Variants in CCSER2 observed in about 807,000 individuals in gnomAD.
CCSER2 encodes coiled-coil serine rich protein 2.
A neutral mutation model predicts 92.3 loss-of-function variants in CCSER2; 46 were observed. That is an observed-to-expected ratio of 0.50 (90% confidence interval 0.39 to 0.64). The LOEUF is 0.64. Ranked by LOEUF, CCSER2 falls within the 30% of genes least tolerant of loss-of-function variation. The pLI is 0.00. For synonymous variants in CCSER2, 433 were observed against 431.4 expected (o/e 1.00, Z -0.04); for missense variants, 1,244 against 1,238.9 (o/e 1.00, Z -0.06).
chr10:84,379,160 G>A lies in CCSER2; in HGVS notation c.1614+5345G>A, dbSNP rs562196266. Among the ~76,000 whole-genome samples, 35 of 152,172 alleles carry A rather than the reference G, an allele frequency of 2.3e-4. No individual in the cohort carries two copies. The South Asian group carries it at 7.3e-3, about 32-fold the overall frequency. On this transcript the variant is annotated intron_variant, in intron 3 of 9. Coordinates refer to ENST00000372088, the MANE Select transcript of CCSER2 (RefSeq NM_001284240.2). ...TAACAGTTTTAATTTTTAGATATTG[G>A]CATATTAAAATTTGTATGTATATTC...
chr10:84,452,302 C>T (rs1845341033), intron 6 of CCSER2: 1 of 152,152 alleles, frequency 6.6e-6, no homozygotes, highest in Non-Finnish European at 1.5e-5. Context: ...GAAGAATCAC[C>T]TGGGTAAGAT....
intron 6 of CCSER2, among the ~76,000 whole-genome samples, chr10:84,448,467 C>T (rs1204782272): frequency 2.6e-5 from 4 of 152,076 alleles, no homozygotes; most frequent in African/African-American, 9.7e-5. Context: ...CCTACTTAGG[C>T]TCTGAAACTT....
At chr10:84,455,283 C>CTTTTTCTT (rs1845543941) in intron 6 of CCSER2, 1 of 99,166 alleles carries the variant, frequency 1.0e-5, no homozygotes, top group Non-Finnish European at 2.1e-5. Flanking sequence ...TTTTCTTTTT[C>CTTTTTCTT]TTTTTTTTTT....
At chr10:84,389,943 C>T (rs1011553807) in intron 3 of CCSER2, among the ~76,000 whole-genome samples, 1 of 152,110 alleles carries the variant, frequency 6.6e-6, no homozygotes, top group Non-Finnish European at 1.5e-5. Flanking sequence ...AGTGATTTCT[C>T]CTAGAGCCCT....
intron 9 of CCSER2, chr10:84,499,977 A>G: frequency 1.9e-6 from 3 of 1,612,892 alleles, no homozygotes; most frequent in Non-Finnish European, 2.5e-6. Context: ...TGTGTCTCTC[A>G]CTCCTATCCT....
intron 9 of CCSER2, among the ~76,000 whole-genome samples, chr10:84,483,953 T>TTACATA (rs1847616962): frequency 2.1e-5 from 1 of 48,046 alleles, no homozygotes; most frequent in Non-Finnish European, 4.8e-5. Flanking sequence ...CCCGGCTAAT[T>TTACATA]TATATATATA....
chr10:84,486,674 T>G (rs1379443619), intron 9 of CCSER2, among the ~76,000 whole-genome samples: 2 of 152,222 alleles, frequency 1.3e-5, no homozygotes, highest in East Asian at 3.8e-4. Flanking sequence ...TTGCAAAAAT[T>G]TTCTCCCCTT....
At chr10:84,491,724 C>T (rs1199608322) in intron 9 of CCSER2, among the ~76,000 whole-genome samples, 56 of 152,148 alleles carry the variant, frequency 3.7e-4, no homozygotes, top group Non-Finnish European at 1.3e-4. Flanking sequence ...TCCACTCACA[C>T]TCTGTGGGCT....
intron 3 of CCSER2, among the ~76,000 whole-genome samples, chr10:84,395,226 A>G (rs1841766663): frequency 1.4e-5 from 2 of 147,892 alleles, no homozygotes; most frequent in Admixed American, 6.8e-5. Flanking sequence ...CCTGTCTTAA[A>G]AAAAAAAAAA....
intron 9 of CCSER2, among the ~76,000 whole-genome samples, chr10:84,489,309 C>T (rs1458336322): frequency 6.6e-6 from 1 of 152,108 alleles, no homozygotes; most frequent in Non-Finnish European, 1.5e-5. Context: ...CTTTCTGTCT[C>T]ATTGATCTGT....
intron 3 of CCSER2, among the ~76,000 whole-genome samples, chr10:84,377,152 A>G (rs1319753731): frequency 6.6e-6 from 1 of 151,908 alleles, no homozygotes; most frequent in African/African-American, 2.4e-5. Context: ...TGCTTTTGAA[A>G]TCTCTTAGTG....
At chr10:84,420,493 A>G (rs1246017116) in intron 4 of CCSER2, among the ~76,000 whole-genome samples, 1 of 152,204 alleles carries the variant, frequency 6.6e-6, no homozygotes, top group Non-Finnish European at 1.5e-5. Context: ...GAACAATTAT[A>G]CACACCCATT....
rs1277546425 is a variant in CCSER2, at chr10:84,363,549, C to T, written c.-39-7465C>T. Among the ~76,000 whole-genome samples, 3 of 151,780 alleles carry T rather than the reference C, an allele frequency of 2.0e-5. No individual in the cohort carries two copies. The East Asian group carries it at 5.8e-4, about 29-fold the overall frequency. On this transcript the variant is annotated intron_variant, in intron 1 of 9. Transcript: ENST00000372088. ...TAGTGAGTTTATGTCTGTTTAAACCCCTAAAATGCAGACAATTTATACCTT... is the reference window on the plus strand; with the variant it reads ...TAGTGAGTTTATGTCTGTTTAAACCTCTAAAATGCAGACAATTTATACCTT...
intron 1 of CCSER2, among the ~76,000 whole-genome samples, chr10:84,334,403 T>G (rs1472145184): frequency 2.0e-5 from 3 of 152,138 alleles, no homozygotes; most frequent in African/African-American, 7.2e-5. Flanking sequence ...TGACCAATCA[T>G]AGTATGTGAG....
At chr10:84,471,197 G>A (rs1375111916) in intron 8 of CCSER2, among the ~76,000 whole-genome samples, 1 of 151,928 alleles carries the variant, frequency 6.6e-6, no homozygotes, top group Non-Finnish European at 1.5e-5. Context: ...AGCCACTGGG[G>A]TCAGCTCACG....
chr10:84,357,473 G>T (rs907740386), intron 1 of CCSER2, among the ~76,000 whole-genome samples: 2 of 145,308 alleles, frequency 1.4e-5, no homozygotes, highest in Non-Finnish European at 3.0e-5. Flanking sequence ...TTTTTGAGAC[G>T]GAGTCTCTCT....
chr10:84,360,189 C>T (rs1342048196), intron 1 of CCSER2, among the ~76,000 whole-genome samples: 2 of 152,140 alleles, frequency 1.3e-5, no homozygotes, highest in East Asian at 3.9e-4. Context: ...CATAATTAAT[C>T]CCTGGTGTTA....
intron 1 of CCSER2, among the ~76,000 whole-genome samples, chr10:84,335,603 T>G (rs1843793423): frequency 6.6e-6 from 1 of 151,904 alleles, no homozygotes; most frequent in Admixed American, 6.6e-5. Context: ...TTGCCTACCC[T>G]CCTCCCCAAC....
chr10:84,391,288 A>G lies in CCSER2; in HGVS notation c.1614+17473A>G. On this transcript the variant is annotated intron_variant, in intron 3 of 9. Transcript: ENST00000372088. ...CAGATCAATATGAAGCTCCAGATAA[A>G]GATTTTATGTTAGTGTCTCTTGATT... 2.7e-6 allele frequency: 4 copies of G among 1,467,010 alleles called. No homozygotes were observed. In the South Asian group the frequency reaches 3.4e-5, roughly 13 times the overall value. 90.9% of individuals were successfully genotyped at this position (1,467,010 alleles called of 1,614,324 possible). A position where few individuals can be genotyped will look rare whatever the true frequency, so the allele number is the denominator to read the frequency against.
Sources: allele counts gnomAD v4.1 joint callset (sites outside exome capture counted in the v4.1 genomes callset), GRCh38; gene constraint gnomAD v4.1.1; transcripts MANE v1.5; gene names NCBI Gene and HGNC (gene_info 2026-07-23, HGNC 2026-07-21).